The following BRIP1 variants were observed in gnomAD, a reference collection of about 807,000 sequenced individuals.
BRIP1 encodes the protein BRCA1 interacting DNA helicase 1.
Under a neutral mutation model 119.7 loss-of-function variants are expected in BRIP1, and 88 were observed. The observed-to-expected ratio is 0.74, with a 90% CI of 0.62 to 0.88. The LOEUF (loss-of-function observed/expected upper bound fraction) is 0.88, where lower values mean the gene tolerates loss of function less well. Among genes scored for constraint, BRIP1 ranks in the 40% least tolerant of loss-of-function variants. BRIP1 has a pLI of 0.00. For synonymous variants in BRIP1, 443 were observed against 496.5 expected (o/e 0.89, Z 1.43); for missense variants, 1,259 against 1,455.4 (o/e 0.87, Z 2.20).
intron 10 of BRIP1, among the ~76,000 whole-genome samples, chr17:61,784,835 A>C (rs745833302): frequency 2.2e-4 from 34 of 152,288 alleles, no homozygotes; most frequent in Middle Eastern, 3.4e-3. Flanking sequence ...AAGCAGGCTA[A>C]GGTCCTCAAA....
rs975462782 is a variant in BRIP1 at position 61,825,866 on chromosome 17, T to C, written c.628-17109A>G. On this transcript the variant is annotated intron_variant, in intron 6 of 19. Coordinates refer to ENST00000259008, the MANE Select transcript of BRIP1 (RefSeq NM_032043.3). This position sits in a 1 kb window ranked among gnomAD's most constrained non-coding sequence, Gnocchi z 4.1. ...AGATTCAATGCTATTCCTATTAAACTACCACTGACATTCTTCAGAGAACTA... is the reference window on the plus strand; with the variant it reads ...AGATTCAATGCTATTCCTATTAAACCACCACTGACATTCTTCAGAGAACTA... Among the ~76,000 whole-genome samples the C allele has an allele frequency of 3.2e-4, 49 of 152,060 alleles. No individual in the cohort carries two copies. Among genetic ancestry groups the C allele is most frequent in the Admixed American group, 3.2e-3 (49 of 15,268 alleles).
chr17:61,773,631 C>T (rs977071670), intron 14 of BRIP1, among the ~76,000 whole-genome samples: 8 of 151,928 alleles, frequency 5.3e-5, no homozygotes, highest in African/African-American at 1.5e-4. Context: ...GCCTACAGAA[C>T]ATTCTGTAGG....
chr17:61,745,662 C>T lies in BRIP1; in HGVS notation c.2098-1071G>A, dbSNP rs117119699. On this transcript the variant is annotated intron_variant, in intron 14 of 19. Coordinates refer to ENST00000259008, the MANE Select transcript of BRIP1 (RefSeq NM_032043.3). The surrounding 1 kb of genome is among the most constrained non-coding windows in gnomAD (Gnocchi z 4.4). The stretch of plus-strand genomic sequence containing the variant: ...GAAATTACAGGTGTGAACCAACACA[C>T]GTGGCTGTAAAACTCATATTCTTAA... Among the ~76,000 whole-genome samples the T allele has an allele frequency of 5.9e-5, 9 of 152,098 alleles. No individual in the cohort carries two copies. Among genetic ancestry groups the T allele is most frequent in the South Asian group, 2.1e-4 (1 of 4,830 alleles).
At chr17:61,821,137 G>C (rs2078316984) in intron 6 of BRIP1, among the ~76,000 whole-genome samples, 1 of 152,054 alleles carries the variant, frequency 6.6e-6, no homozygotes, top group South Asian at 2.1e-4. Context: ...GATTGGTTGT[G>C]GGAGGCAACC....
Position 61,754,682 on chromosome 17 carries a change from TGAA to T in BRIP1, c.2098-10094_2098-10092del, listed in dbSNP as rs1465302025. On this transcript the variant is annotated intron_variant, in intron 14 of 19. Coordinates refer to ENST00000259008, the MANE Select transcript of BRIP1 (RefSeq NM_032043.3). This position sits in a 1 kb window ranked among gnomAD's most constrained non-coding sequence, Gnocchi z 4.1. ...AAATTTATTTCTTACTTCTTGGCTA[TGAA>T]GTCCAAGATAAAGGTGCCTGTTAAC... 2.0e-5 allele frequency among the ~76,000 whole-genome samples: 3 copies of T among 152,224 alleles called. No individual in the cohort carries two copies. Among genetic ancestry groups the T allele is most frequent in the African/African-American group, 7.2e-5 (3 of 41,458 alleles).
chr17:61,755,870 G>A lies in BRIP1; in HGVS notation c.2098-11279C>T, dbSNP rs983695477. ...GTCACAATTTGGAAGGTCTGACGAA[G>A]TGGTATGTCCTCTGGGTCTATCCGG... On this transcript the variant is annotated intron_variant, in intron 14 of 19. Transcript: ENST00000259008. The surrounding 1 kb of genome is among the most constrained non-coding windows in gnomAD (Gnocchi z 4.5). Among the ~76,000 whole-genome samples, 2 of 152,244 alleles carry A rather than the reference G, an allele frequency of 1.3e-5. No homozygotes were observed. Among genetic ancestry groups the A allele is most frequent in the African/African-American group, 4.8e-5 (2 of 41,460 alleles).
At chr17:61,741,671 G>C (rs1206513325) in intron 16 of BRIP1, among the ~76,000 whole-genome samples, 1 of 152,170 alleles carries the variant, frequency 6.6e-6, no homozygotes, top group South Asian at 2.1e-4. Flanking sequence ...GTAATATTTT[G>C]AAAGGAACTG....
In BRIP1 at chr17:61,834,653, C is replaced by T. The variant is rs112859178; in HGVS notation, c.627+12448G>A. Among the ~76,000 whole-genome samples, 1 of 152,134 alleles carries T rather than the reference C, an allele frequency of 6.6e-6. No individual in the cohort carries two copies. Among genetic ancestry groups the T allele is most frequent in the African/African-American group, 2.4e-5 (1 of 41,414 alleles). ...GTGACTGGAACATTAGCAAACCTGACACAAACAGACTCAAAAGGCATTTGT... is the reference window on the plus strand; with the variant it reads ...GTGACTGGAACATTAGCAAACCTGATACAAACAGACTCAAAAGGCATTTGT... On this transcript the variant is annotated intron_variant, in intron 6 of 19. Transcript: ENST00000259008. This position sits in a 1 kb window ranked among gnomAD's most constrained non-coding sequence, Gnocchi z 4.4.
rs75839223 is a variant in BRIP1 at position 61,692,550 on chromosome 17, A to G, written c.2575+880T>C. On this transcript the variant is annotated intron_variant, in intron 18 of 19. Transcript: ENST00000259008. ...AATAACCCAATTAAAAAATGAGCAA[A>G]TGAAAAGATGTTTCTCCAAAGAAGA... Among the ~76,000 whole-genome samples the G allele has an allele frequency of 6.9e-3, 1,058 of 152,310 alleles. 10 individuals carry two copies. Among genetic ancestry groups the G allele is most frequent in the African/African-American group, 0.025 (1,020 of 41,574 alleles).
rs528014290 is a variant in BRIP1 at position 61,695,344 on chromosome 17, A to G, written c.2493-1832T>C. Among the ~76,000 whole-genome samples, 2 of 152,168 alleles carry G rather than the reference A, an allele frequency of 1.3e-5. No individual in the cohort carries two copies. Among genetic ancestry groups the G allele is most frequent in the Non-Finnish European group, 2.9e-5 (2 of 68,000 alleles). On this transcript the variant is annotated intron_variant, in intron 17 of 19. Transcript: ENST00000259008. This position sits in a 1 kb window ranked among gnomAD's most constrained non-coding sequence, Gnocchi z 4.3. Reference sequence around the variant, plus strand: ...GACCCTCAATTCTACCCATTGATCTATACATCTGTCTTTATGCCAGTACAA... The same window carrying G: ...GACCCTCAATTCTACCCATTGATCTGTACATCTGTCTTTATGCCAGTACAA...
Position 61,726,359 on chromosome 17 carries a change from A to T in BRIP1, c.2380-10296T>A, listed in dbSNP as rs1355994284. ...GGACGAGAAAGTCATTACTTACCCCATATTTCTGAAACCCAGTGTAGGTTT... is the reference window on the plus strand; with the variant it reads ...GGACGAGAAAGTCATTACTTACCCCTTATTTCTGAAACCCAGTGTAGGTTT... On this transcript the variant is annotated intron_variant, in intron 16 of 19. Transcript: ENST00000259008. This position sits in a 1 kb window ranked among gnomAD's most constrained non-coding sequence, Gnocchi z 6.2. Among the ~76,000 whole-genome samples, 2 of 152,220 alleles carry T rather than the reference A, an allele frequency of 1.3e-5. No individual in the cohort carries two copies. The highest frequency in any genetic ancestry group is 2.9e-5 in the Non-Finnish European group (2 of 68,040).
chr17:61,773,702 T>C (rs1317389303), intron 14 of BRIP1, among the ~76,000 whole-genome samples: 1 of 152,038 alleles, frequency 6.6e-6, no homozygotes, highest in Non-Finnish European at 1.5e-5. Context: ...AAAGGGCTAA[T>C]ATCTAGAATC....
intron 14 of BRIP1, among the ~76,000 whole-genome samples, chr17:61,773,411 C>G (rs924718393): frequency 1.3e-5 from 2 of 152,006 alleles, no homozygotes; most frequent in Non-Finnish European, 2.9e-5. Context: ...AAAATTAATT[C>G]AAGATGGATT....
rs771219994 is a variant in BRIP1, at chr17:61,778,849, T to G, written c.1935+1412A>C. Among the ~76,000 whole-genome samples, 1 of 152,206 alleles carries G rather than the reference T, an allele frequency of 6.6e-6. No homozygotes were observed. Among genetic ancestry groups the G allele is most frequent in the Non-Finnish European group, 1.5e-5 (1 of 68,034 alleles). ...CTAGGTTCCCAACTACCAAATGCCG[T>G]AGTTGCTCCCAAGTAATTGTGAGGA... is the stretch of plus-strand genomic sequence containing the variant. On this transcript the variant is annotated intron_variant, in intron 13 of 19. Coordinates refer to ENST00000259008, the MANE Select transcript of BRIP1 (RefSeq NM_032043.3). The surrounding 1 kb of genome is among the most constrained non-coding windows in gnomAD (Gnocchi z 4.4).
chr17:61,740,289 A>G lies in BRIP1; in HGVS notation c.2379+2724T>C, dbSNP rs193297289. 1.4e-4 allele frequency among the ~76,000 whole-genome samples: 22 copies of G among 152,278 alleles called. No homozygotes were observed. Among genetic ancestry groups the G allele is most frequent in the African/African-American group, 5.1e-4 (21 of 41,566 alleles). On this transcript the variant is annotated intron_variant, in intron 16 of 19. Coordinates refer to ENST00000259008, the MANE Select transcript of BRIP1 (RefSeq NM_032043.3). This position sits in a 1 kb window ranked among gnomAD's most constrained non-coding sequence, Gnocchi z 5.4. ...ACCCCAGGATTCCCCGGAGGAACCC[A>G]TGAGTCTGTGGTTAAAAGACTGATA...
In BRIP1 at chr17:61,773,955, T is replaced by C. The variant is rs529037923; in HGVS notation, c.2097+2446A>G. 2.0e-4 allele frequency among the ~76,000 whole-genome samples: 31 copies of C among 152,238 alleles called. No homozygotes were observed. In the South Asian group the frequency reaches 6.4e-3, roughly 32 times the overall value. On this transcript the variant is annotated intron_variant, in intron 14 of 19. Transcript: ENST00000259008. ...GAAACAACAGAAGCTGGAGAGGATG[T>C]AGAGAAACAGGAACGCTTTTACACT...
chr17:61,749,784 C>A (rs1013576464), intron 14 of BRIP1, among the ~76,000 whole-genome samples: 1 of 152,116 alleles, frequency 6.6e-6, no homozygotes, highest in African/African-American at 2.4e-5. Context: ...CCTAAGTGTT[C>A]TATTTGTTTT....
chr17:61,856,055 A>G lies in BRIP1; in HGVS notation c.379+1003T>C, dbSNP rs2078892161. On this transcript the variant is annotated intron_variant, in intron 4 of 19. Transcript: ENST00000259008. This position sits in a 1 kb window ranked among gnomAD's most constrained non-coding sequence, Gnocchi z 5.1. ...AGATGGAACTTTGCTCAGAAGAGAC[A>G]CTAATAGAAGCAAAGGCTCTGAGGA... Among the ~76,000 whole-genome samples, 1 of 152,248 alleles carries G rather than the reference A, an allele frequency of 6.6e-6. No homozygotes were observed. The highest frequency in any genetic ancestry group is 1.5e-5 in the Non-Finnish European group (1 of 68,044).
chr17:61,782,240 G>A (rs913787440), intron 11 of BRIP1, among the ~76,000 whole-genome samples: 1 of 151,788 alleles, frequency 6.6e-6, no homozygotes, highest in African/African-American at 2.4e-5. Flanking sequence ...CAAAAAATTA[G>A]CCGGGCTTAG....
Sources: gnomAD v4.1 joint callset for allele counts (sites outside exome capture counted in the v4.1 genomes callset) on GRCh38, gnomAD v4.1.1 for gene constraint, Gnocchi (gnomAD v3.1) non-coding constraint, MANE v1.5 for transcripts, NCBI Gene and HGNC (gene_info 2026-07-23, HGNC 2026-07-21) for gene names.